Variants in NOL8 observed in about 807,000 individuals in gnomAD.
NOL8 encodes nucleolar protein 8, also known as nucleolar protein Nop132.
Under a neutral mutation model 116.1 loss-of-function variants are expected in NOL8, and 93 were observed. That is an observed-to-expected ratio of 0.80 (90% CI 0.68 to 0.95). The LOEUF (loss-of-function observed/expected upper bound fraction) is 0.95. NOL8 is among the 40% of genes least tolerant of loss of function. NOL8 has a pLI of 0.00. For synonymous variants in NOL8, 419 were observed against 469.0 expected (o/e 0.89, Z 1.38); for missense variants, 1,291 against 1,382.8 (o/e 0.93, Z 1.05).
At chr9:92,312,780 TCACA>T (rs1454078932) in intron 7 of NOL8, among the ~76,000 whole-genome samples, 1 of 123,900 alleles carries the variant, frequency 8.1e-6, no homozygotes, top group Non-Finnish European at 1.6e-5. Flanking sequence ...TGAGCCGAGA[TCACA>T]CCATTGTACT....
intron 10 of NOL8, among the ~76,000 whole-genome samples, chr9:92,309,880 T>C (rs560458849): frequency 6.6e-6 from 1 of 152,206 alleles, no homozygotes; most frequent in Non-Finnish European, 1.5e-5. Flanking sequence ...GCTGATCCAC[T>C]GCCAGGTAGG....
intron 10 of NOL8, 51 bp downstream of exon 10, chr9:92,310,120 T>C: frequency 7.6e-7 from 1 of 1,321,452 alleles, no homozygotes; most frequent in Non-Finnish European, 1.1e-6. Flanking sequence ...CTAGGTGATT[T>C]CTCAGTGTCC....
chr9:92,304,280 G>T (rs1374454330), intron 12 of NOL8, among the ~76,000 whole-genome samples: 1 of 152,228 alleles, frequency 6.6e-6, no homozygotes, highest in East Asian at 1.9e-4. Context: ...CTATGGACAT[G>T]TGACTCCTTT....
chr9:92,311,970 C>T (rs1301306226), intron 7 of NOL8, among the ~76,000 whole-genome samples: 1 of 152,112 alleles, frequency 6.6e-6, no homozygotes, highest in Non-Finnish European at 1.5e-5. Flanking sequence ...CAATGGTGGA[C>T]TGGATAAAGA....
intron 10 of NOL8, among the ~76,000 whole-genome samples, chr9:92,308,016 A>G (rs943233577): frequency 1.3e-5 from 2 of 152,244 alleles, no homozygotes; most frequent in African/African-American, 4.8e-5. Flanking sequence ...TTAGGGAAGT[A>G]GATTATAATG....
chr9:92,298,425 T>A, intron 15 of NOL8, 89 bp from the exon 16 acceptor site: 2 of 744,746 alleles, frequency 2.7e-6, no homozygotes, highest in Middle Eastern at 2.5e-4. Flanking sequence ...AGGTCTCGAA[T>A]ACCAGTTAAG....
chr9:92,298,474 T>C, intron 15 of NOL8, 138 bp from the exon 16 acceptor site: 2 of 571,598 alleles, frequency 3.5e-6, no homozygotes. Context: ...TTTTCAAAAA[T>C]TAGTATTTTT....
At chr9:92,319,881 TTTC>T (rs1458461248) in intron 4 of NOL8, 1 of 364,794 alleles carries the variant, frequency 2.7e-6, no homozygotes, top group African/African-American at 2.1e-5. Flanking sequence ...TGAGGGTTCT[TTTC>T]TTAGCCCATC....
intron 2 of NOL8, among the ~76,000 whole-genome samples, chr9:92,323,807 AAT>A (rs376687252): frequency 5.3e-5 from 8 of 152,376 alleles, no homozygotes; most frequent in African/African-American, 1.4e-4. Flanking sequence ...ACTGGAAGTT[AAT>A]ATGTTTCTGA....
chr9:92,324,421 A>G (rs1840256497), intron 1 of NOL8: 1 of 393,030 alleles, frequency 2.5e-6, no homozygotes, highest in Non-Finnish European at 4.6e-6. Flanking sequence ...ATACCCATAT[A>G]GACACAGGTA....
chr9:92,305,864 TAAAAAC>T (rs771353201), intron 11 of NOL8, 34 bp from the exon 12 acceptor site: 9 of 1,441,986 alleles, frequency 6.2e-6, no homozygotes, highest in Non-Finnish European at 7.8e-6. Flanking sequence ...TTGGAAGAGA[TAAAAAC>T]AGAACACTAA....
chr9:92,300,084 C>A, intron 13 of NOL8, 68 bp from the exon 14 acceptor site: 4 of 1,540,270 alleles, frequency 2.6e-6, no homozygotes, highest in South Asian at 1.3e-5. Context: ...TGAACACATT[C>A]ATTTGATTAC....
intron 4 of NOL8, 93 bp from the exon 5 acceptor site, chr9:92,319,449 A>G: frequency 2.2e-6 from 3 of 1,333,620 alleles, no homozygotes; most frequent in South Asian, 1.8e-5. Flanking sequence ...TGAGCACTAT[A>G]AACAGCTTTG....
Position 92,298,962 on chromosome 9 carries a change from GAA to G in NOL8, c.3303-10_3303-9del. 6.7e-7 allele frequency: 1 copy of G among 1,503,084 alleles called. No homozygotes were observed. The highest frequency in any genetic ancestry group is 9.0e-7 in the Non-Finnish European group (1 of 1,115,218). 93.1% of individuals were successfully genotyped at this position (1,503,084 alleles called of 1,614,324 possible). ...TCAAGTAATGATGCTTCTCTGAAAAGAAAGGGACAAAGGAGAGAGAAAAATAG... is the reference window on the plus strand; with the variant it reads ...TCAAGTAATGATGCTTCTCTGAAAAGAGGGACAAAGGAGAGAGAAAAATAG... On this transcript the variant is annotated splice_polypyrimidine_tract_variant and intron_variant, in intron 14 of 16. Transcript: ENST00000442668.
Position 92,299,996 on chromosome 9 carries a change from C to T in NOL8, c.3196G>A (p.Val1066Met), listed in dbSNP as rs61743443. The T allele has an allele frequency of 2.3e-3, 3,720 of 1,613,424 alleles. 73 individuals carry two copies. In the African/African-American group the frequency reaches 0.041, roughly 18 times the overall value. ...IKEETYRVET[V>M]KPGKIVWQED... ...TGCCAGACAATCTTTCCAGGTTTCA[C>T]TGTTTCAACTCTGTAGGTCTCTATA... Residue 1066 changes from valine (V) to methionine (M), a missense_variant, in exon 14 of 17, where the codon GTG becomes ATG. Physicochemically the swap from Val to Met is conservative, Grantham distance 21. Coordinates refer to ENST00000442668, the MANE Select transcript of NOL8 (RefSeq NM_017948.6).
chr9:92,300,861 A>T, intron 13 of NOL8: 1 of 1,042,358 alleles, frequency 9.6e-7, no homozygotes, highest in Non-Finnish European at 1.2e-6. Flanking sequence ...CATGTATGCT[A>T]TTTTAACTGC....
intron 4 of NOL8, among the ~76,000 whole-genome samples, chr9:92,321,455 T>C (rs1839916074): frequency 6.6e-6 from 1 of 152,364 alleles, no homozygotes; most frequent in Admixed American, 6.5e-5. Flanking sequence ...TATACTTTTA[T>C]AGCTTATTAC....
chr9:92,304,037 A>T (rs1837998773), intron 12 of NOL8, among the ~76,000 whole-genome samples: 3 of 152,204 alleles, frequency 2.0e-5, no homozygotes, highest in Admixed American at 2.0e-4. Context: ...AAATACCACT[A>T]GACTGGACTG....
rs1840377889 is a variant in NOL8, at chr9:92,325,298, C to G, written c.-49+8G>C. On this transcript the variant is annotated splice_region_variant and intron_variant, in intron 1 of 16. Transcript: ENST00000442668. ...TGTGACTTCTCATGCCCGAAACCCACTCCTCACCACGTCGTTCACCTAAAG... is the reference window on the plus strand; with the variant it reads ...TGTGACTTCTCATGCCCGAAACCCAGTCCTCACCACGTCGTTCACCTAAAG... The G allele has an allele frequency of 1.3e-5, 2 of 152,382 alleles. No individual in the cohort carries two copies. The highest frequency in any genetic ancestry group is 4.8e-5 in the African/African-American group (2 of 41,448). The allele number at this position is 152,382 out of a possible 1,614,324, so 9.4% of individuals were successfully genotyped here. A position where few individuals can be genotyped will look rare whatever the true frequency, so the allele number is the denominator to read the frequency against.
Sources: allele counts gnomAD v4.1 joint callset (sites outside exome capture counted in the v4.1 genomes callset), GRCh38; gene constraint gnomAD v4.1.1; transcripts MANE v1.5; gene names NCBI Gene and HGNC (gene_info 2026-07-23, HGNC 2026-07-21).